The following AFF3 variants were observed in gnomAD, a reference collection of about 807,000 sequenced individuals.
AFF3 encodes AF4/FMR2 family member 3.
AFF3 carries 32 observed loss-of-function variants against 129.7 expected under a neutral mutation model. The observed-to-expected ratio is 0.25, with a 90% CI of 0.19 to 0.33. The LOEUF is 0.33. Among genes scored for constraint, AFF3 ranks in the 10% least tolerant of loss-of-function variants. The pLI, the probability that AFF3 is intolerant of heterozygous loss-of-function variation, is 1.00. For synonymous variants in AFF3, 644 were observed against 635.4 expected (o/e 1.01, Z -0.20); for missense variants, 1,373 against 1,592.0 (o/e 0.86, Z 2.34).
In AFF3 at chr2:99,845,442, G is replaced by A. The variant is rs180943433; in HGVS notation, c.874-7918C>T. ...GAACCTATTGATGGCATGAAGAGATGGGAGATGAGAAGCAGACAGTGATTT... is the reference window on the plus strand; with the variant it reads ...GAACCTATTGATGGCATGAAGAGATAGGAGATGAGAAGCAGACAGTGATTT... On this transcript the variant is annotated intron_variant, in intron 7 of 24. Transcript: ENST00000672756. 2.6e-5 allele frequency among the ~76,000 whole-genome samples: 4 copies of A among 152,266 alleles called. No individual in the cohort carries two copies. The East Asian group carries it at 7.7e-4, about 29-fold the overall frequency.
Position 99,938,566 on chromosome 2 carries a change from T to C in AFF3, c.873+68066A>G, listed in dbSNP as rs7579796. Among the ~76,000 whole-genome samples the C allele has an allele frequency of 3.0e-3, 462 of 152,282 alleles. 4 individuals carry two copies. Among genetic ancestry groups the C allele is most frequent in the African/African-American group, 0.01 (435 of 41,562 alleles). ...CTGTGAAGGCATTTTTTAGATGAGATTGACATCAAAATCAGTAGGCTTTGA... is the reference window on the plus strand; with the variant it reads ...CTGTGAAGGCATTTTTTAGATGAGACTGACATCAAAATCAGTAGGCTTTGA... On this transcript the variant is annotated intron_variant, in intron 7 of 24. Coordinates refer to ENST00000672756, the MANE Select transcript of AFF3 (RefSeq NM_001386135.1).
intron 7 of AFF3, among the ~76,000 whole-genome samples, chr2:99,919,272 C>T (rs1017277420): frequency 8.5e-5 from 13 of 152,212 alleles, no homozygotes; most frequent in Admixed American, 2.6e-4. Context: ...TCAATGCCCA[C>T]GGTTGAACAC....
intron 8 of AFF3, among the ~76,000 whole-genome samples, chr2:99,808,987 G>A (rs1294299057): frequency 6.6e-6 from 1 of 152,216 alleles, no homozygotes; most frequent in East Asian, 1.9e-4. Context: ...GCAAGCACAG[G>A]AGTTCGTTCC....
At chr2:99,735,065 T>C (rs748251394) in intron 10 of AFF3, among the ~76,000 whole-genome samples, 3 of 152,212 alleles carry the variant, frequency 2.0e-5, no homozygotes, top group Non-Finnish European at 2.9e-5. Context: ...ATTATTCAGG[T>C]TATATTTATA....
At chr2:99,659,096 T>G (rs540367486) in intron 12 of AFF3, among the ~76,000 whole-genome samples, 1 of 152,302 alleles carries the variant, frequency 6.6e-6, no homozygotes, top group East Asian at 1.9e-4. Flanking sequence ...CAGAACTATG[T>G]AAAGGAAGTA....
At chr2:99,584,030 T>C (rs1200712168) in intron 16 of AFF3, among the ~76,000 whole-genome samples, 3 of 152,204 alleles carry the variant, frequency 2.0e-5, no homozygotes, top group Non-Finnish European at 4.4e-5. Flanking sequence ...AAAAGACTTT[T>C]GCTATCTCAT....
chr2:99,909,930 T>C (rs932578774), intron 7 of AFF3, among the ~76,000 whole-genome samples: 4 of 152,148 alleles, frequency 2.6e-5, no homozygotes, highest in Non-Finnish European at 4.4e-5. Flanking sequence ...CTGCCAAAAG[T>C]TCATGTGTTG....
intron 7 of AFF3, among the ~76,000 whole-genome samples, chr2:99,873,635 T>C (rs1221591769): frequency 1.3e-5 from 2 of 151,908 alleles, no homozygotes; most frequent in African/African-American, 4.8e-5. Context: ...AGCTGGCCTA[T>C]GGAGATGCCA....
chr2:99,721,965 T>A (rs2104954176), intron 11 of AFF3, among the ~76,000 whole-genome samples: 1 of 152,374 alleles, frequency 6.6e-6, no homozygotes, highest in African/African-American at 2.4e-5. Context: ...GATTGTTTTT[T>A]AATCTTTATT....
chr2:99,957,198 C>T (rs556221739), intron 7 of AFF3, among the ~76,000 whole-genome samples: 1,965 of 139,364 alleles, frequency 0.014, 52 homozygotes, highest in African/African-American at 0.051. Flanking sequence ...TGTGTGTGCG[C>T]GCGCGCGCAT....
chr2:100,001,901 G>A (rs1319569105), intron 7 of AFF3, among the ~76,000 whole-genome samples: 1 of 152,200 alleles, frequency 6.6e-6, no homozygotes, highest in Non-Finnish European at 1.5e-5. Flanking sequence ...ACTCTTTCGG[G>A]TATACGCAGT....
intron 8 of AFF3, among the ~76,000 whole-genome samples, chr2:99,786,486 T>TA (rs1438122899): frequency 2.0e-5 from 3 of 152,286 alleles, no homozygotes; most frequent in Admixed American, 6.5e-5. Context: ...AACAGATGTT[T>TA]AAAAAAATCA....
chr2:100,084,754 T>C (rs1689289855), intron 4 of AFF3, among the ~76,000 whole-genome samples: 1 of 152,180 alleles, frequency 6.6e-6, no homozygotes, highest in Admixed American at 6.5e-5. Context: ...AGTTTTTTCA[T>C]AAAAGGGGAA....
intron 21 of AFF3, among the ~76,000 whole-genome samples, chr2:99,559,652 T>A (rs1675288350): frequency 6.6e-6 from 1 of 152,242 alleles, no homozygotes; most frequent in South Asian, 2.1e-4. Flanking sequence ...TTATCCTCTC[T>A]TCCTTGGAGC....
intron 8 of AFF3, among the ~76,000 whole-genome samples, chr2:99,814,796 G>A (rs1467081870): frequency 6.6e-6 from 1 of 151,884 alleles, no homozygotes; most frequent in Non-Finnish European, 1.5e-5. Context: ...GTGGAGGAAG[G>A]AAAAACTTGA....
chr2:99,844,525 C>T (rs1343351114), intron 7 of AFF3, among the ~76,000 whole-genome samples: 2 of 138,810 alleles, frequency 1.4e-5, no homozygotes, highest in Non-Finnish European at 3.0e-5. Context: ...GCAACCTCTG[C>T]CTCCCGGGTT....
At chr2:99,586,199 C>T (rs1299669591) in intron 16 of AFF3, among the ~76,000 whole-genome samples, 1 of 152,186 alleles carries the variant, frequency 6.6e-6, no homozygotes, top group African/African-American at 2.4e-5. Context: ...ACATTTTCCC[C>T]ATTTCCCCTT....
chr2:99,967,405 G>T (rs1274488031), intron 7 of AFF3, among the ~76,000 whole-genome samples: 2 of 152,056 alleles, frequency 1.3e-5, no homozygotes, highest in East Asian at 3.9e-4. Context: ...TCCTATGGAC[G>T]TTCCACTGTT....
chr2:99,689,424 A>T (rs1464503163), intron 11 of AFF3, among the ~76,000 whole-genome samples: 2 of 149,916 alleles, frequency 1.3e-5, no homozygotes, highest in African/African-American at 4.9e-5. Flanking sequence ...TTTATTACTC[A>T]CTCCTCAAAG....
Sources: gnomAD v4.1 joint callset for allele counts (sites outside exome capture counted in the v4.1 genomes callset) on GRCh38, gnomAD v4.1.1 for gene constraint, MANE v1.5 for transcripts, NCBI Gene and HGNC (gene_info 2026-07-23, HGNC 2026-07-21) for gene names.